The following KCNH7 variants were observed in gnomAD, a reference collection of about 807,000 sequenced individuals.
The protein encoded by KCNH7 is voltage-gated inwardly rectifying potassium channel KCNH7.
KCNH7 carries 49 observed loss-of-function variants against 120.8 expected under a neutral mutation model. The ratio of observed to expected loss-of-function variants is 0.41; its 90% CI spans 0.32 to 0.51. KCNH7 has a LOEUF of 0.51. KCNH7 is among the 20% of genes least tolerant of loss of function. KCNH7 has a pLI of 0.38. For missense variants in KCNH7, 1,097 were observed against 1,446.6 expected (o/e 0.76, Z 3.92); for synonymous variants, 547 against 516.1 (o/e 1.06, Z -0.81).
chr2:162,634,523 G>A (rs1225284992), intron 2 of KCNH7, among the ~76,000 whole-genome samples: 1 of 152,054 alleles, frequency 6.6e-6, no homozygotes, highest in Non-Finnish European at 1.5e-5. Flanking sequence ...TGCCTTTTAT[G>A]TGTAAGTGTT....
intron 15 of KCNH7, among the ~76,000 whole-genome samples, chr2:162,372,951 G>A (rs549496266): frequency 6.6e-6 from 1 of 152,234 alleles, no homozygotes; most frequent in Non-Finnish European, 1.5e-5. Context: ...CTCTGGTGAT[G>A]GGTGGGGTAC....
At chr2:162,789,674 G>T (rs188739402) in intron 2 of KCNH7, among the ~76,000 whole-genome samples, 1 of 151,922 alleles carries the variant, frequency 6.6e-6, no homozygotes, top group East Asian at 1.9e-4. Flanking sequence ...GAACAGAATG[G>T]TATGAAATTA....
intron 9 of KCNH7, among the ~76,000 whole-genome samples, chr2:162,419,947 T>C (rs921328328): frequency 4.6e-5 from 7 of 152,154 alleles, no homozygotes; most frequent in African/African-American, 1.7e-4. Context: ...ATGCTATCAG[T>C]TCTACTCTGA....
chr2:162,536,086 T>C (rs1226311852), intron 3 of KCNH7, among the ~76,000 whole-genome samples: 1 of 151,832 alleles, frequency 6.6e-6, no homozygotes, highest in African/African-American at 2.4e-5. Flanking sequence ...ATTTAGAACC[T>C]TGGAGTGGTG....
chr2:162,667,814 T>C (rs535543642), intron 2 of KCNH7, among the ~76,000 whole-genome samples: 6 of 152,336 alleles, frequency 3.9e-5, no homozygotes, highest in Middle Eastern at 3.4e-3. Context: ...GTTTTGTGTT[T>C]GTTGTTTTAT....
At chr2:162,390,957 G>GGGA (rs1395114887) in intron 12 of KCNH7, among the ~76,000 whole-genome samples, 1 of 151,940 alleles carries the variant, frequency 6.6e-6, no homozygotes, top group Admixed American at 6.6e-5. Flanking sequence ...AGAACCTTGT[G>GGGA]GGAGGCATAA....
intron 6 of KCNH7, among the ~76,000 whole-genome samples, chr2:162,482,404 G>A (rs1689959186): frequency 6.6e-6 from 1 of 152,062 alleles, no homozygotes; most frequent in Non-Finnish European, 1.5e-5. Context: ...ACTTTGGGGT[G>A]AGGAGCAAAT....
At chr2:162,432,352 T>A (rs1314973409) in intron 8 of KCNH7, among the ~76,000 whole-genome samples, 3 of 152,046 alleles carry the variant, frequency 2.0e-5, no homozygotes, top group Non-Finnish European at 4.4e-5. Context: ...AATGTCTTAA[T>A]AGTTATTGAA....
intron 2 of KCNH7, among the ~76,000 whole-genome samples, chr2:162,619,663 G>A (rs1273090792): frequency 2.0e-5 from 3 of 151,730 alleles, no homozygotes; most frequent in African/African-American, 7.3e-5. Context: ...TCTATCAATG[G>A]TGAAAAAAAT....
intron 2 of KCNH7, among the ~76,000 whole-genome samples, chr2:162,759,983 G>A (rs1270798844): frequency 6.6e-6 from 1 of 151,900 alleles, no homozygotes; most frequent in East Asian, 1.9e-4. Flanking sequence ...CATAGAGTGT[G>A]TACTGAAAAT....
intron 6 of KCNH7, among the ~76,000 whole-genome samples, chr2:162,484,351 G>C (rs1574014401): frequency 6.6e-6 from 1 of 152,200 alleles, no homozygotes; most frequent in East Asian, 1.9e-4. Flanking sequence ...TCTCAATGCT[G>C]TGTCTCCTTG....
chr2:162,535,002 A>G (rs1182109146), intron 3 of KCNH7, among the ~76,000 whole-genome samples: 1 of 151,742 alleles, frequency 6.6e-6, no homozygotes, highest in Admixed American at 6.6e-5. Flanking sequence ...AGAATAATAC[A>G]CTCATTTCCA....
chr2:162,718,050 T>C (rs943455084), intron 2 of KCNH7, among the ~76,000 whole-genome samples: 7 of 150,922 alleles, frequency 4.6e-5, no homozygotes, highest in African/African-American at 9.7e-5. Context: ...CTCTCTCTCT[T>C]TTTTTTTTCT....
chr2:162,807,673 T>TTTTGG (rs1466285607), intron 2 of KCNH7, among the ~76,000 whole-genome samples: 260 of 110,062 alleles, frequency 2.4e-3, no homozygotes, highest in Non-Finnish European at 4.5e-3. Flanking sequence ...TTTCATCCAT[T>TTTTGG]TTTTGTTTTG....
intron 2 of KCNH7, among the ~76,000 whole-genome samples, chr2:162,710,931 C>G (rs1686905847): frequency 6.6e-6 from 1 of 152,118 alleles, no homozygotes; most frequent in Non-Finnish European, 1.5e-5. Flanking sequence ...CTACAAACCG[C>G]CATTTTGCAA....
intron 2 of KCNH7, among the ~76,000 whole-genome samples, chr2:162,577,348 C>CTATCAT (rs1257647069): frequency 2.4e-4 from 32 of 131,426 alleles, no homozygotes; most frequent in East Asian, 4.5e-4. Context: ...ATCTATCCAT[C>CTATCAT]CTATCTATCT....
At chr2:162,820,530 C>T (rs1045261890) in intron 2 of KCNH7, among the ~76,000 whole-genome samples, 6 of 152,068 alleles carry the variant, frequency 3.9e-5, no homozygotes, top group Non-Finnish European at 7.3e-5. Context: ...ACAATGACCT[C>T]AACATTCAAG....
At chr2:162,689,425 T>G (rs1686023513) in intron 2 of KCNH7, among the ~76,000 whole-genome samples, 1 of 152,084 alleles carries the variant, frequency 6.6e-6, no homozygotes, top group Non-Finnish European at 1.5e-5. Context: ...GTGCTGGGAT[T>G]ACAGGCATGA....
At chr2:162,751,183 G>A (rs974544881) in intron 2 of KCNH7, among the ~76,000 whole-genome samples, 3 of 152,100 alleles carry the variant, frequency 2.0e-5, no homozygotes, top group African/African-American at 7.2e-5. Flanking sequence ...TCCCTTAAGA[G>A]GAAGTTATTC....
Sources: gnomAD v4.1 joint callset for allele counts (sites outside exome capture counted in the v4.1 genomes callset) on GRCh38, gnomAD v4.1.1 for gene constraint, MANE v1.5 for transcripts, NCBI Gene and HGNC (gene_info 2026-07-23, HGNC 2026-07-21) for gene names.